The following AHCYL2 variants were observed in gnomAD, a reference collection of about 807,000 sequenced individuals.
AHCYL2 encodes S-adenosylhomocysteine hydrolase-like protein 2.
Under a neutral mutation model 81.4 loss-of-function variants are expected in AHCYL2, and 28 were observed. That is an observed-to-expected ratio of 0.34 (90% confidence interval 0.25 to 0.47). The LOEUF (loss-of-function observed/expected upper bound fraction) is 0.47. Among genes scored for constraint, AHCYL2 ranks in the 20% least tolerant of loss-of-function variants. The pLI, the probability that AHCYL2 is intolerant of heterozygous loss-of-function variation, is 1.00. For synonymous variants in AHCYL2, 272 were observed against 290.2 expected, an observed-to-expected ratio of 0.94 and a Z score of 0.64; for missense variants, 551 against 785.1, an observed-to-expected ratio of 0.70 and a Z score of 3.56.
chr7:129,285,099 G>A (rs549662177), intron 1 of AHCYL2, among the ~76,000 whole-genome samples: 1 of 152,278 alleles, frequency 6.6e-6, no homozygotes, highest in African/African-American at 2.4e-5. Context: ...AGCATATGTA[G>A]GTTTTAATAT....
In AHCYL2 at chr7:129,403,359, A is replaced by G. The variant is rs919391540; in HGVS notation, c.919-20A>G. 6.5e-7 allele frequency: 1 copy of G among 1,545,338 alleles called. No homozygotes were observed. On this transcript the variant is annotated intron_variant, in intron 6 of 16. Coordinates refer to ENST00000325006, the MANE Select transcript of AHCYL2 (RefSeq NM_015328.4). Reference sequence around the variant, plus strand: ...AGACTTCAGCAAAGTGAATGATGTTATTGATGCTTACTATTGCAGATCTTG... The same window carrying G: ...AGACTTCAGCAAAGTGAATGATGTTGTTGATGCTTACTATTGCAGATCTTG...
chr7:129,411,440 G>GA (rs553489937), intron 11 of AHCYL2, among the ~76,000 whole-genome samples: 6 of 152,026 alleles, frequency 3.9e-5, no homozygotes, highest in Non-Finnish European at 8.8e-5. Context: ...AAAAGAAGGG[G>GA]AAAAAATAAT....
intron 1 of AHCYL2, among the ~76,000 whole-genome samples, chr7:129,312,618 A>G (rs1797697054): frequency 6.6e-6 from 1 of 152,168 alleles, no homozygotes; most frequent in Non-Finnish European, 1.5e-5. Flanking sequence ...GTTTTTAGTC[A>G]GGAGGTCAAT....
chr7:129,293,918 T>C (rs553535988), intron 1 of AHCYL2, among the ~76,000 whole-genome samples: 93 of 152,318 alleles, frequency 6.1e-4, no homozygotes, highest in African/African-American at 2.0e-3. Context: ...GATTGTTAAT[T>C]CACTTTTAGG....
rs1796317889 is a variant in AHCYL2, at chr7:129,406,563, C to T, written c.1295+97C>T. ...ACTTTATTTTAGAGGAGCCCAGATC[C>T]TCAGAGATGCTGCCACTAACTCTAA... On this transcript the variant is annotated intron_variant, in intron 10 of 16. Transcript: ENST00000325006. The surrounding 1 kb of genome is among the most constrained non-coding windows in gnomAD (Gnocchi z 4.3). The T allele has an allele frequency of 6.2e-6, 7 of 1,126,544 alleles. No individual in the cohort carries two copies. The Admixed American group carries it at 1.0e-4, about 17-fold the overall frequency. The allele number at this position is 1,126,544 out of a possible 1,614,324, so 69.8% of individuals were successfully genotyped here. A position where few individuals can be genotyped will look rare whatever the true frequency, so the allele number is the denominator to read the frequency against.
intron 1 of AHCYL2, among the ~76,000 whole-genome samples, chr7:129,349,109 T>C (rs1363315579): frequency 1.3e-5 from 2 of 152,216 alleles, no homozygotes; most frequent in African/African-American, 4.8e-5. Context: ...ATTTAAACTT[T>C]CTAGGTCTCA....
rs781504015 is a variant in AHCYL2, at chr7:129,225,351, A to G, written c.275A>G (p.His92Arg). Residue 92 changes from histidine (H) to arginine (R), a missense_variant, in exon 1 of 17, where the codon CAT (histidine) becomes CGT (arginine). Around this residue, in one of 2 missense-constraint regions of AHCYL2, gnomAD observed 235 missense variants for 242.1 expected, o/e 0.97. Transcript: ENST00000325006. ...QASAMKRSDP[H>R]HQHQRHRDGG... The stretch of plus-strand genomic sequence containing the variant: ...TCGGCCATGAAGCGGAGCGACCCAC[A>G]TCACCAGCACCAGCGGCACCGCGAC... 2.0e-6 allele frequency: 3 copies of G among 1,514,042 alleles called. No homozygotes were observed. The highest frequency in any genetic ancestry group is 2.7e-5 in the East Asian group (1 of 37,358). The allele number at this position is 1,514,042 out of a possible 1,614,324, so 93.8% of individuals were successfully genotyped here. A position where few individuals can be genotyped will look rare whatever the true frequency, so the allele number is the denominator to read the frequency against.
chr7:129,369,613 C>T (rs896458766), intron 1 of AHCYL2, among the ~76,000 whole-genome samples: 12 of 139,760 alleles, frequency 8.6e-5, no homozygotes, highest in African/African-American at 1.4e-4. Flanking sequence ...AGTGCAGTGG[C>T]GTGATCTCAG....
intron 1 of AHCYL2, among the ~76,000 whole-genome samples, chr7:129,348,239 A>G (rs559393029): frequency 6.6e-6 from 1 of 152,346 alleles, no homozygotes; most frequent in African/African-American, 2.4e-5. Flanking sequence ...AAATATTGGT[A>G]TATCTATAAA....
intron 1 of AHCYL2, among the ~76,000 whole-genome samples, chr7:129,227,106 A>T (rs1460137302): frequency 4.6e-5 from 7 of 152,220 alleles, no homozygotes; most frequent in Non-Finnish European, 8.8e-5. Context: ...AAATTACACA[A>T]ATCAGTTTCC....
Position 129,407,358 on chromosome 7 carries a change from A to G in AHCYL2, c.1295+892A>G, listed in dbSNP as rs1263512653. ...CCCAGCAAGACCATGTCTCAAAATAATTATTATTCTATATTATACATTATA... is the reference window on the plus strand; with the variant it reads ...CCCAGCAAGACCATGTCTCAAAATAGTTATTATTCTATATTATACATTATA... On this transcript the variant is annotated intron_variant, in intron 10 of 16. Transcript: ENST00000325006. 2.6e-5 allele frequency among the ~76,000 whole-genome samples: 4 copies of G among 152,226 alleles called. No homozygotes were observed. The East Asian group carries it at 7.7e-4, about 29-fold the overall frequency.
chr7:129,359,669 A>T (rs1793864490), intron 1 of AHCYL2, among the ~76,000 whole-genome samples: 1 of 152,204 alleles, frequency 6.6e-6, no homozygotes, highest in Admixed American at 6.5e-5. Context: ...TTTGAAGTTT[A>T]AGAACAAGTT....
At chr7:129,266,526 TC>T (rs1338377723) in intron 1 of AHCYL2, among the ~76,000 whole-genome samples, 3 of 148,842 alleles carry the variant, frequency 2.0e-5, no homozygotes, top group Admixed American at 6.7e-5. Flanking sequence ...TGAAACTCCG[TC>T]CCCCGCCAAA....
chr7:129,406,321 T>A lies in AHCYL2; in HGVS notation c.1207-57T>A. The A allele has an allele frequency of 6.5e-7, 1 of 1,534,266 alleles. No individual in the cohort carries two copies. Among genetic ancestry groups the A allele is most frequent in the Admixed American group, 1.7e-5 (1 of 59,660 alleles). The stretch of plus-strand genomic sequence containing the variant: ...AGGGGGTGCACTTTACCAGAAGCTT[T>A]GAGAAATGGTTTTCTCAGTGACTTT... On this transcript the variant is annotated intron_variant, in intron 9 of 16. Transcript: ENST00000325006. The surrounding 1 kb of genome is among the most constrained non-coding windows in gnomAD (Gnocchi z 4.3).
intron 1 of AHCYL2, among the ~76,000 whole-genome samples, chr7:129,282,467 C>T (rs529008120): frequency 6.6e-6 from 1 of 152,204 alleles, no homozygotes; most frequent in African/African-American, 2.4e-5. Context: ...GTTCACTCAT[C>T]TCTTATGTTT....
intron 1 of AHCYL2, among the ~76,000 whole-genome samples, chr7:129,276,629 A>G (rs1472846380): frequency 6.6e-6 from 1 of 151,298 alleles, no homozygotes; most frequent in Non-Finnish European, 1.5e-5. Flanking sequence ...GGCACCTGTA[A>G]TCCCAGCTAC....
At chr7:129,275,874 A>G (rs1796183339) in intron 1 of AHCYL2, among the ~76,000 whole-genome samples, 3 of 152,272 alleles carry the variant, frequency 2.0e-5, no homozygotes, top group Middle Eastern at 3.4e-3. Context: ...GATTTGAACA[A>G]CCAACCAACA....
chr7:129,257,203 A>C (rs908623293), intron 1 of AHCYL2, among the ~76,000 whole-genome samples: 1 of 152,244 alleles, frequency 6.6e-6, no homozygotes, highest in Non-Finnish European at 1.5e-5. Context: ...AAATGTATGC[A>C]GAAGTGTTTT....
At chr7:129,251,461 G>A (rs982593231) in intron 1 of AHCYL2, among the ~76,000 whole-genome samples, 6 of 151,768 alleles carry the variant, frequency 4.0e-5, no homozygotes, top group Non-Finnish European at 4.4e-5. Flanking sequence ...TCTAGAGTAG[G>A]AATTGTTGTC....
Sources: gnomAD v4.1 joint callset for allele counts (sites outside exome capture counted in the v4.1 genomes callset) on GRCh38, gnomAD v4.1.1 for gene constraint, gnomAD v4.1.1 regional missense constraint, Gnocchi (gnomAD v3.1) non-coding constraint, MANE v1.5 for transcripts, NCBI Gene and HGNC (gene_info 2026-07-23, HGNC 2026-07-21) for gene names.